The following GUCY2F variants were observed in gnomAD, a reference collection of about 807,000 sequenced individuals.
The protein encoded by GUCY2F is guanylate cyclase 2F, retinal, also known as retinal guanylyl cyclase 2.
A neutral mutation model predicts 73.1 loss-of-function variants in GUCY2F; 61 were observed. The ratio of observed to expected loss-of-function variants is 0.83; its 90% CI spans 0.68 to 1.03. The LOEUF (loss-of-function observed/expected upper bound fraction) is 1.03. Among genes scored for constraint, GUCY2F ranks in the 50% least tolerant of loss-of-function variants. The pLI is 0.00. For missense variants in GUCY2F, 912 were observed against 854.3 expected, an observed-to-expected ratio of 1.07 and a Z score of -0.84; for synonymous variants, 331 against 307.8, an observed-to-expected ratio of 1.08 and a Z score of -0.79.
intron 10 of GUCY2F, among the ~76,000 whole-genome samples, chrX:109,399,624 A>G (rs1486960187): frequency 9.0e-6 from 1 of 111,686 alleles, no homozygotes; most frequent in Admixed American, 9.5e-5. Flanking sequence ...TGAATTATAT[A>G]AAGTTACCAT....
chrX:109,382,293 T>C, intron 16 of GUCY2F, 81 bp from the exon 17 acceptor site: 2 of 572,067 alleles, frequency 3.5e-6, no homozygotes, highest in Non-Finnish European at 6.1e-6. Flanking sequence ...AATAAATGTC[T>C]TCACTTGTAA....
intron 7 of GUCY2F, among the ~76,000 whole-genome samples, chrX:109,434,982 C>CTA (rs1931704994): frequency 9.1e-6 from 1 of 109,490 alleles, no homozygotes; most frequent in Admixed American, 9.6e-5. Flanking sequence ...TTCCATTGAT[C>CTA]TATATGTCTG....
intron 11 of GUCY2F, 38 bp downstream of exon 11, chrX:109,398,511 G>C (rs1356638814): frequency 8.6e-7 from 1 of 1,168,495 alleles, no homozygotes; most frequent in South Asian, 1.9e-5. Context: ...TCTCGGTCAT[G>C]GTGGACCCCT....
intron 16 of GUCY2F, among the ~76,000 whole-genome samples, chrX:109,384,048 A>T (rs1471045409): frequency 3.1e-4 from 35 of 112,839 alleles, no homozygotes; most frequent in Admixed American, 3.0e-3. Context: ...AGACTTTCCC[A>T]GATGTCAGAA....
chrX:109,441,492 G>A lies in GUCY2F; in HGVS notation c.1570-10C>T, dbSNP rs775918714. ...TGGCACGACTTCCTCTCTGTGAAAGGATTAGGAAAGAAAAGTTATGACCAA... is the reference window on the plus strand; with the variant it reads ...TGGCACGACTTCCTCTCTGTGAAAGAATTAGGAAAGAAAAGTTATGACCAA... On this transcript the variant is annotated splice_polypyrimidine_tract_variant and intron_variant, in intron 6 of 19. Transcript: ENST00000218006. 1.3e-5 allele frequency: 15 copies of A among 1,135,975 alleles called. No individual in the cohort carries two copies. Among genetic ancestry groups the A allele is most frequent in the Non-Finnish European group, 1.8e-5 (15 of 855,872 alleles). The allele number at this position is 1,135,975 out of a possible 1,213,427, so 93.6% of individuals were successfully genotyped here.
At chrX:109,460,941 T>C (rs1427586920) in intron 3 of GUCY2F, among the ~76,000 whole-genome samples, 1 of 111,895 alleles carries the variant, frequency 8.9e-6, no homozygotes, top group Non-Finnish European at 1.9e-5. Flanking sequence ...AAATTAAAAA[T>C]TGAAGTAATT....
chrX:109,417,282 C>T (rs1318963343), intron 8 of GUCY2F, among the ~76,000 whole-genome samples: 1 of 111,123 alleles, frequency 9.0e-6, no homozygotes, highest in Admixed American at 9.5e-5. Flanking sequence ...CAAATTTTAA[C>T]ACTATATTAT....
Position 109,385,199 on chromosome X carries a change from C to G in GUCY2F, c.3040G>C (p.Glu1014Gln), listed in dbSNP as rs1239000981. ...AGGTACTCACGTAAGCCTGTAGATT[C>G]CATCCGAGAAGCTGTGTTCACAGTG... The part of the protein sequence containing the change: ...GDTVNTASRM[E>Q]STGLPYRIHV... Residue 1014 changes from glutamate (E) to glutamine (Q), a missense_variant, in exon 16 of 20, where the codon GAA becomes CAA. Physicochemically the swap from Glu to Gln is conservative, Grantham distance 29 (BLOSUM62 2). Coordinates refer to ENST00000218006, the MANE Select transcript of GUCY2F (RefSeq NM_001522.3). The G allele has an allele frequency of 8.6e-7, 1 of 1,161,150 alleles. No individual in the cohort carries two copies. Among genetic ancestry groups the G allele is most frequent in the Non-Finnish European group, 1.2e-6 (1 of 851,045 alleles).
In GUCY2F at chrX:109,382,206, C is replaced by T. The variant is rs199903626; in HGVS notation, c.3062G>A (p.Arg1021His). 8 of 1,141,468 alleles carry T rather than the reference C, an allele frequency of 7.0e-6. No individual in the cohort carries two copies. The highest frequency in any genetic ancestry group is 2.2e-5 in the Admixed American group (1 of 45,352). The allele number at this position is 1,141,468 out of a possible 1,213,427, so 94.1% of individuals were successfully genotyped here. Residue 1021 changes from arginine (R) to histidine (H), a missense_variant, in exon 17 of 20, where the codon CGC becomes CAC. Physicochemically the swap from Arg to His is conservative, Grantham distance 29. Transcript: ENST00000218006. Reference protein sequence around the residue: ...SRMESTGLPYRIHVSLSTVTI... With the variant: ...SRMESTGLPYHIHVSLSTVTI... ...AACAGTGCTGAGACTGACATGAATGCGATAAGCTGCAAAAGAAGGAGAGAC... is the reference window on the plus strand; with the variant it reads ...AACAGTGCTGAGACTGACATGAATGTGATAAGCTGCAAAAGAAGGAGAGAC...
At chrX:109,390,728 C>T (rs1408912908) in intron 14 of GUCY2F, among the ~76,000 whole-genome samples, 1 of 112,724 alleles carries the variant, frequency 8.9e-6, no homozygotes, top group East Asian at 2.8e-4. Flanking sequence ...TTGTTTTTCT[C>T]TTCAGGCTGC....
intron 3 of GUCY2F, among the ~76,000 whole-genome samples, chrX:109,460,687 G>A (rs755989002): frequency 2.7e-5 from 3 of 111,696 alleles, no homozygotes; most frequent in Admixed American, 9.5e-5. Context: ...ATCCTGCAGA[G>A]AAGAGAAAGA....
chrX:109,402,304 A>G (rs890549384), intron 10 of GUCY2F, among the ~76,000 whole-genome samples: 1 of 110,906 alleles, frequency 9.0e-6, no homozygotes, highest in African/African-American at 3.3e-5. Flanking sequence ...ACCCACCCTA[A>G]GACTAGATTT....
intron 17 of GUCY2F, among the ~76,000 whole-genome samples, chrX:109,380,204 C>A (rs1930269742): frequency 8.9e-6 from 1 of 112,093 alleles, no homozygotes; most frequent in African/African-American, 3.2e-5. Context: ...ACCGGGCTCA[C>A]CATCAAATGT....
At chrX:109,423,197 G>A (rs902805031) in intron 8 of GUCY2F, among the ~76,000 whole-genome samples, 5 of 112,128 alleles carry the variant, frequency 4.5e-5, no homozygotes, top group African/African-American at 1.6e-4. Flanking sequence ...CTTGGACTTT[G>A]CAGATAATAC....
chrX:109,426,558 T>C (rs897937461), intron 8 of GUCY2F, among the ~76,000 whole-genome samples: 1 of 111,246 alleles, frequency 9.0e-6, no homozygotes, highest in Admixed American at 9.5e-5. Flanking sequence ...CTGGCTAATT[T>C]TTTTGTATTT....
At chrX:109,474,367 T>A (rs898697690) in intron 2 of GUCY2F, among the ~76,000 whole-genome samples, 1 of 111,178 alleles carries the variant, frequency 9.0e-6, no homozygotes, top group Non-Finnish European at 1.9e-5. Flanking sequence ...AAAATTGGAA[T>A]AGAAAAAATC....
At chrX:109,412,270 TAAA>T (rs1362961897) in intron 8 of GUCY2F, among the ~76,000 whole-genome samples, 1 of 111,562 alleles carries the variant, frequency 9.0e-6, no homozygotes, top group African/African-American at 3.3e-5. Flanking sequence ...AAGAATGAAA[TAAA>T]GAATTATTCT....
At chrX:109,379,054 A>G (rs1331005743) in intron 17 of GUCY2F, among the ~76,000 whole-genome samples, 2 of 112,677 alleles carry the variant, frequency 1.8e-5, no homozygotes, top group African/African-American at 3.2e-5. Flanking sequence ...CTTTAAAAAG[A>G]AAGAAATTCT....
At chrX:109,417,779 T>C (rs1369856476) in intron 8 of GUCY2F, among the ~76,000 whole-genome samples, 2 of 110,431 alleles carry the variant, frequency 1.8e-5, no homozygotes, top group South Asian at 3.8e-4. Flanking sequence ...CACAAATGCA[T>C]GGAAAGAAAA....
Sources: gnomAD v4.1 joint callset for allele counts (sites outside exome capture counted in the v4.1 genomes callset) on GRCh38, gnomAD v4.1.1 for gene constraint, MANE v1.5 for transcripts, NCBI Gene and HGNC (gene_info 2026-07-23, HGNC 2026-07-21) for gene names.